IL1RN: variants seen among roughly 807,000 people sequenced by gnomAD.
IL1RN encodes the protein interleukin 1 receptor antagonist.
Under a neutral mutation model 13.7 loss-of-function variants are expected in IL1RN, and 10 were observed. The observed-to-expected ratio is 0.73, with a 90% CI of 0.45 to 1.24. The LOEUF is 1.24. Among genes scored for constraint, IL1RN ranks in the 50% most tolerant of loss-of-function variants. The pLI is 0.00. For missense variants in IL1RN, 213 were observed against 222.1 expected (o/e 0.96, Z 0.26); for synonymous variants, 102 against 82.7 (o/e 1.23, Z -1.27).
chr2:113,112,754 C>T (rs923893200), intron 1 of IL1RN, among the ~76,000 whole-genome samples: 3 of 152,196 alleles, frequency 2.0e-5, no homozygotes, highest in Non-Finnish European at 4.4e-5. Context: ...ATATATTATG[C>T]TGTAATGTAG....
At chr2:113,108,853 C>T (rs1200327690), upstream of IL1RN, among the ~76,000 whole-genome samples, 1 of 151,920 alleles carries the variant, frequency 6.6e-6, no homozygotes, top group East Asian at 1.9e-4. Context: ...AATGTTAAGC[C>T]TATAAGTTGA....
At chr2:113,101,124 C>G in the IL1RN span, among the ~76,000 whole-genome samples, 6 of 152,096 alleles carry the variant, frequency 3.9e-5, no homozygotes, top group African/African-American at 9.7e-5. Context: ...TGTGGAAAGG[C>G]GAAATGTCAG....
intron 1 of IL1RN, chr2:113,119,943 C>T (rs1487945969): frequency 2.5e-6 from 2 of 794,244 alleles, no homozygotes; most frequent in East Asian, 2.7e-5. Context: ...AGGGTGAGAA[C>T]AGAGGGTAAA....
At chr2:113,129,729 C>T in intron 2 of IL1RN, 65 bp downstream of exon 2, 1 of 1,012,238 alleles carries the variant, frequency 9.9e-7, no homozygotes, top group South Asian at 1.3e-5. Context: ...CTGTCTGCAG[C>T]AGCATGGCCT....
At chr2:113,122,835 T>C (rs563987491), upstream of IL1RN, among the ~76,000 whole-genome samples, 2 of 152,190 alleles carry the variant, frequency 1.3e-5, no homozygotes, top group South Asian at 2.1e-4. Flanking sequence ...TTTTGAAAAG[T>C]AGATTATGGG....
At position 113,121,683 on chromosome 2, in the gene IL1RN, C is replaced by T. The variant is rs549925520; in HGVS notation, c.73+1555C>T. 4 of 825,156 alleles carry T rather than the reference C, an allele frequency of 4.8e-6. No homozygotes were observed. The African/African-American group carries it at 7.4e-5, about 15-fold the overall frequency. The allele number at this position is 825,156 out of a possible 1,614,324, so 51.1% of individuals were successfully genotyped here. On this transcript the variant is annotated intron_variant, in intron 2 of 5. Coordinates refer to the IL1RN transcript ENST00000259206. ...TGTAGATAACAGTTGGATTATATAC[C>T]ATGTCCTGATCCCCTTCATCATCCA...
chr2:113,107,879 G>C, upstream of IL1RN, among the ~76,000 whole-genome samples: 1 of 152,134 alleles, frequency 6.6e-6, no homozygotes, highest in East Asian at 1.9e-4. Context: ...ATCACCTCAA[G>C]CATTTATTCT....
chr2:113,106,804 AT>A (rs528006345), upstream of IL1RN, among the ~76,000 whole-genome samples: 55 of 152,342 alleles, frequency 3.6e-4, 4 homozygotes, highest in South Asian at 0.011. Flanking sequence ...TCAGAATTTA[AT>A]ATAACTATGT....
upstream of IL1RN, among the ~76,000 whole-genome samples, chr2:113,116,032 A>G (rs1047559032): frequency 3.3e-5 from 5 of 152,294 alleles, no homozygotes; most frequent in Admixed American, 3.3e-4. Flanking sequence ...CATGCCAAGC[A>G]CTTTACAGTT....
upstream of IL1RN, among the ~76,000 whole-genome samples, chr2:113,106,159 C>T (rs1471098024): frequency 2.6e-5 from 4 of 152,176 alleles, no homozygotes; most frequent in African/African-American, 9.7e-5. Context: ...TTGCTCACTT[C>T]TTCACTGGAA....
At chr2:113,106,248 C>A (rs1686384788), upstream of IL1RN, among the ~76,000 whole-genome samples, 1 of 152,018 alleles carries the variant, frequency 6.6e-6, no homozygotes. Flanking sequence ...AGAGGCTAAA[C>A]AAGGGAATGA....
chr2:113,117,656 C>T (rs1002591160), upstream of IL1RN: 11 of 429,694 alleles, frequency 2.6e-5, no homozygotes, highest in Admixed American at 2.6e-4. Flanking sequence ...TGGCGGCAGT[C>T]GGGGTTGGGG....
At chr2:113,107,225 A>C (rs1173220358), upstream of IL1RN, 2 of 152,234 alleles carry the variant, frequency 1.3e-5, no homozygotes, top group African/African-American at 4.8e-5. Flanking sequence ...TCTCAGAAAC[A>C]CAGCTTTTAC....
chr2:113,099,463 C>T, the IL1RN span, among the ~76,000 whole-genome samples: 4 of 152,234 alleles, frequency 2.6e-5, no homozygotes, highest in African/African-American at 7.2e-5. Context: ...GGGCTGAGAA[C>T]TTGCTCCAGG....
At position 113,133,235 on chromosome 2, in the gene IL1RN, C is replaced by A. The variant is rs1687237792; in HGVS notation, c.*364C>A. The A allele has an allele frequency of 5.4e-6, 2 of 368,988 alleles. No homozygotes were observed. Among genetic ancestry groups the A allele is most frequent in the East Asian group, 6.5e-5 (1 of 15,444 alleles). The allele number at this position is 368,988 out of a possible 1,614,324, so 22.9% of individuals were successfully genotyped here. ...CTTCCCATGCCCTGGATCCATCAGG[C>A]CACTTGATGACCCCCAACCAAGTGG... On this transcript the variant is annotated 3_prime_UTR_variant, in exon 4 of 4. Transcript: ENST00000409930.
Position 113,132,679 on chromosome 2 carries a change from C to G in IL1RN, c.342C>G (p.Ser114Arg). The change falls in exon 4 of 4, where the codon AGC becomes AGG. Residue 114 changes from serine (S) to arginine (R), a missense_variant. Coordinates refer to ENST00000409930, the MANE Select transcript of IL1RN (RefSeq NM_173842.3). ...AGGCAGTTAACATCACTGACCTGAG[C>G]GAGAACAGAAAGCAGGACAAGCGCT... ...QLEAVNITDL[S>R]ENRKQDKRFA... is the part of the protein sequence containing the mutation. 1 of 1,614,208 alleles carries G rather than the reference C, an allele frequency of 6.2e-7. No homozygotes were observed. Among genetic ancestry groups the G allele is most frequent in the Non-Finnish European group, 8.5e-7 (1 of 1,180,024 alleles).
intron 3 of IL1RN, 81 bp downstream of exon 3, chr2:113,131,238 G>A: frequency 1.2e-6 from 1 of 848,388 alleles, no homozygotes; most frequent in Non-Finnish European, 2.0e-6. Flanking sequence ...TGATTCTGTG[G>A]GTTGACCAGG....
upstream of IL1RN, among the ~76,000 whole-genome samples, chr2:113,109,411 TAA>T (rs35727625): frequency 9.5e-3 from 1,261 of 133,074 alleles, 13 homozygotes; most frequent in African/African-American, 0.026. Context: ...AAACGCCATC[TAA>T]AAAAAAAAAA....
upstream of IL1RN, among the ~76,000 whole-genome samples, chr2:113,103,362 T>C (rs1483837596): frequency 2.6e-5 from 4 of 151,720 alleles, no homozygotes; most frequent in Admixed American, 6.5e-5. Context: ...GATCTCAAGA[T>C]AGAAAGACTC....
Sources: allele counts gnomAD v4.1 joint callset (sites outside exome capture counted in the v4.1 genomes callset), GRCh38; gene constraint gnomAD v4.1.1; transcripts MANE v1.5; gene names NCBI Gene and HGNC (gene_info 2026-07-23, HGNC 2026-07-21).